DSCAM: variants seen among roughly 807,000 people sequenced by gnomAD.
The protein encoded by DSCAM is cell adhesion molecule DSCAM.
A neutral mutation model predicts 217.7 loss-of-function variants in DSCAM; 47 were observed. The observed-to-expected ratio is 0.22, with a 90% confidence interval of 0.17 to 0.28. The LOEUF is 0.28. Ranked by LOEUF, DSCAM falls within the 10% of genes least tolerant of loss-of-function variation. The pLI is 1.00. For synonymous variants in DSCAM, 1,056 were observed against 1,015.3 expected (o/e 1.04, Z -0.76); for missense variants, 2,080 against 2,618.3 (o/e 0.79, Z 4.49).
chr21:40,149,887 T>TC, intron 16 of DSCAM, among the ~76,000 whole-genome samples: 1 of 151,056 alleles, frequency 6.6e-6, no homozygotes, highest in African/African-American at 2.5e-5. Context: ...AACATCACTA[T>TC]AACGACAACC....
intron 3 of DSCAM, among the ~76,000 whole-genome samples, chr21:40,389,883 A>G (rs2075118496): frequency 6.6e-6 from 1 of 152,226 alleles, no homozygotes; most frequent in Non-Finnish European, 1.5e-5. Flanking sequence ...GGACGTGAGG[A>G]CACGGGGAAT....
intron 1 of DSCAM, among the ~76,000 whole-genome samples, chr21:40,801,644 A>G (rs2091741631): frequency 6.6e-6 from 1 of 152,188 alleles, no homozygotes; most frequent in African/African-American, 2.4e-5. Context: ...GCACTCCAGA[A>G]CGGTGCTCCA....
At chr21:40,474,774 G>A (rs553585782) in intron 3 of DSCAM, among the ~76,000 whole-genome samples, 1 of 152,184 alleles carries the variant, frequency 6.6e-6, no homozygotes, top group South Asian at 2.1e-4. Flanking sequence ...GCGAGTGCGT[G>A]CGTTCTGCCT....
Position 40,282,838 on chromosome 21 carries a change from G to A in DSCAM, c.2183-6568C>T, listed in dbSNP as rs114263391. 7.8e-3 allele frequency among the ~76,000 whole-genome samples: 1,179 copies of A among 152,086 alleles called. 22 individuals are homozygous for A. The highest frequency in any genetic ancestry group is 0.027 in the African/African-American group (1,126 of 41,508). The stretch of plus-strand genomic sequence containing the variant: ...ATAAAATTAACTACAATGCTAAGTC[G>A]TCTCAATTAAATAGCAGAAAAGGAT... On this transcript the variant is annotated intron_variant, in intron 10 of 32. Coordinates refer to ENST00000400454, the MANE Select transcript of DSCAM (RefSeq NM_001389.5).
intron 32 of DSCAM, among the ~76,000 whole-genome samples, chr21:40,025,118 A>G (rs1255506024): frequency 7.9e-6 from 1 of 126,744 alleles, no homozygotes; most frequent in African/African-American, 2.9e-5. Flanking sequence ...TTCTGCATCT[A>G]TTGAGATAAT....
chr21:40,807,452 G>C (rs992164413), intron 1 of DSCAM, among the ~76,000 whole-genome samples: 1 of 152,004 alleles, frequency 6.6e-6, no homozygotes, highest in Non-Finnish European at 1.5e-5. Flanking sequence ...GCCTTCGCAG[G>C]AGGTGGGGCG....
chr21:40,025,772 A>T (rs1217323709), intron 32 of DSCAM, among the ~76,000 whole-genome samples: 1 of 150,150 alleles, frequency 6.7e-6, no homozygotes, highest in African/African-American at 2.5e-5. Context: ...TTTTCTCTTT[A>T]TTAGTCTTGC....
In DSCAM at chr21:40,604,948, T is replaced by C. The variant is rs2089212840; in HGVS notation, c.508+87862A>G. Among the ~76,000 whole-genome samples, 3 of 152,192 alleles carry C rather than the reference T, an allele frequency of 2.0e-5. No homozygotes were observed. In the South Asian group the frequency reaches 6.2e-4, roughly 32 times the overall value. ...GGGGCACCAGTGGCTAATTTTCCTT[T>C]CCTCAAGTTGGACAATGTTCTGGTA... is the stretch of plus-strand genomic sequence containing the variant. On this transcript the variant is annotated intron_variant, in intron 3 of 32. Transcript: ENST00000400454.
At chr21:40,407,784 G>T (rs1040257619) in intron 3 of DSCAM, among the ~76,000 whole-genome samples, 2 of 152,198 alleles carry the variant, frequency 1.3e-5, no homozygotes, top group Non-Finnish European at 2.9e-5. Context: ...GGGACAAGCT[G>T]CCCTCCAGAA....
chr21:40,801,556 C>T (rs567441200), intron 1 of DSCAM, among the ~76,000 whole-genome samples: 1 of 152,238 alleles, frequency 6.6e-6, no homozygotes, highest in Admixed American at 6.5e-5. Context: ...CCTAAGATGG[C>T]AGAATGGTTT....
intron 2 of DSCAM, among the ~76,000 whole-genome samples, chr21:40,701,909 G>A (rs1217509817): frequency 1.3e-5 from 2 of 152,064 alleles, no homozygotes; most frequent in African/African-American, 2.4e-5. Context: ...GCTGTTGTTG[G>A]ATAGAATGTT....
intron 4 of DSCAM, among the ~76,000 whole-genome samples, chr21:40,359,046 G>T (rs1039947175): frequency 1.3e-5 from 2 of 152,054 alleles, no homozygotes; most frequent in Non-Finnish European, 2.9e-5. Flanking sequence ...ATATTACTAG[G>T]CATTAGGGTA....
chr21:40,557,314 T>C (rs2146174350), intron 3 of DSCAM, among the ~76,000 whole-genome samples: 1 of 152,186 alleles, frequency 6.6e-6, no homozygotes, highest in African/African-American at 2.4e-5. Flanking sequence ...TGAGAGAGTA[T>C]GTTGTTAAAA....
At chr21:40,664,309 T>C (rs562945157) in intron 3 of DSCAM, among the ~76,000 whole-genome samples, 2 of 152,230 alleles carry the variant, frequency 1.3e-5, no homozygotes, top group South Asian at 4.1e-4. Context: ...TTTCTCATCA[T>C]ATTTGTAAAG....
At chr21:40,752,752 C>T (rs947876701) in intron 1 of DSCAM, among the ~76,000 whole-genome samples, 4 of 151,826 alleles carry the variant, frequency 2.6e-5, no homozygotes, top group African/African-American at 9.7e-5. Context: ...CAAAGGAAGC[C>T]CTGAAAATAA....
chr21:40,039,532 G>A (rs774617891), intron 32 of DSCAM, among the ~76,000 whole-genome samples: 20 of 151,994 alleles, frequency 1.3e-4, no homozygotes, highest in Non-Finnish European at 2.8e-4. Context: ...GGCCATATAT[G>A]TGTATATTAT....
intron 1 of DSCAM, among the ~76,000 whole-genome samples, chr21:40,785,524 C>CAATA (rs1166499749): frequency 6.6e-6 from 1 of 152,190 alleles, no homozygotes; most frequent in Non-Finnish European, 1.5e-5. Context: ...AGAGTACTTT[C>CAATA]AATAAATAAA....
chr21:40,698,501 G>T (rs146250206), intron 2 of DSCAM, among the ~76,000 whole-genome samples: 37 of 152,300 alleles, frequency 2.4e-4, no homozygotes, highest in Admixed American at 2.0e-3. Flanking sequence ...GGAGGGACTT[G>T]CTTGCTAGGC....
intron 1 of DSCAM, among the ~76,000 whole-genome samples, chr21:40,754,922 G>A (rs2091261241): frequency 6.6e-6 from 1 of 152,240 alleles, no homozygotes; most frequent in African/African-American, 2.4e-5. Flanking sequence ...TCATTTGAAA[G>A]TCTGGATTTA....
Sources: allele counts gnomAD v4.1 joint callset (sites outside exome capture counted in the v4.1 genomes callset), GRCh38; gene constraint gnomAD v4.1.1; transcripts MANE v1.5; gene names NCBI Gene and HGNC (gene_info 2026-07-23, HGNC 2026-07-21).